Variants in PIEZO2 observed in about 807,000 individuals in gnomAD.
PIEZO2 encodes piezo-type mechanosensitive ion channel component 2.
PIEZO2 carries 172 observed loss-of-function variants against 337.3 expected under a neutral mutation model. The ratio of observed to expected loss-of-function variants is 0.51; its 90% CI spans 0.45 to 0.58. PIEZO2 has a LOEUF of 0.58. PIEZO2 is among the 20% of genes least tolerant of loss of function. The probability of loss-of-function intolerance (pLI) is 0.00; values close to 1 mark genes in which losing one functional copy is unlikely to be tolerated. For missense variants in PIEZO2, 3,028 were observed against 3,391.3 expected (o/e 0.89, Z 2.66); for synonymous variants, 1,251 against 1,228.5 (o/e 1.02, Z -0.38).
At position 10,855,636 on chromosome 18, in the gene PIEZO2, C is replaced by T. The variant is rs1258097350; in HGVS notation, c.704-70G>A. The T allele has an allele frequency of 8.3e-7, 1 of 1,209,834 alleles. No individual in the cohort carries two copies. The highest frequency in any genetic ancestry group is 1.1e-6 in the Non-Finnish European group (1 of 876,120). The allele number at this position is 1,209,834 out of a possible 1,614,324, so 74.9% of individuals were successfully genotyped here. On this transcript the variant is annotated intron_variant, in intron 6 of 55. Coordinates refer to ENST00000674853, the MANE Select transcript of PIEZO2 (RefSeq NM_001378183.1). This position sits in a 1 kb window ranked among gnomAD's most constrained non-coding sequence, Gnocchi z 4.9. ...TTCACTTATCATTCAGTGAATGTGA[C>T]TATTTGAAATTATGTGAATTTCCTT...
Position 11,096,841 on chromosome 18 carries a change from C to T in PIEZO2, c.65-30619G>A, listed in dbSNP as rs1053785775. Among the ~76,000 whole-genome samples, 6 of 152,174 alleles carry T rather than the reference C, an allele frequency of 3.9e-5. No homozygotes were observed. The highest frequency in any genetic ancestry group is 1.4e-4 in the African/African-American group (6 of 41,450). On this transcript the variant is annotated intron_variant, in intron 1 of 55. Coordinates refer to ENST00000674853, the MANE Select transcript of PIEZO2 (RefSeq NM_001378183.1). This position sits in a 1 kb window ranked among gnomAD's most constrained non-coding sequence, Gnocchi z 4.6. ...CTGCCCACTGCCAGCAAAATGGGAA[C>T]AACATGGACTTCAGGGGGGTGGTAC...
intron 2 of PIEZO2, among the ~76,000 whole-genome samples, chr18:11,063,816 A>C (rs1454507559): frequency 2.6e-5 from 4 of 152,172 alleles, no homozygotes; most frequent in Admixed American, 2.6e-4. Context: ...GTGTATTAAC[A>C]CACACTGGAA....
rs2040197680 is a variant in PIEZO2 at position 11,126,887 on chromosome 18, TGAATGAACACACTGGTG to T, written c.64+21621_64+21637del. On this transcript the variant is annotated intron_variant, in intron 1 of 55. Transcript: ENST00000674853. This position sits in a 1 kb window ranked among gnomAD's most constrained non-coding sequence, Gnocchi z 4.6. ...ACAGAGACTGAAATGAATGGAGGAA[TGAATGAACACACTGGTG>T]TCATTTCCATTGCTGTTGTGTGAAC... 6.6e-6 allele frequency among the ~76,000 whole-genome samples: 1 copy of T among 152,092 alleles called. No individual in the cohort carries two copies. The highest frequency in any genetic ancestry group is 1.9e-4 in the East Asian group (1 of 5,182).
intron 2 of PIEZO2, among the ~76,000 whole-genome samples, chr18:11,012,583 G>A (rs1223061033): frequency 2.6e-5 from 4 of 152,082 alleles, no homozygotes; most frequent in African/African-American, 9.7e-5. Flanking sequence ...TGCTGATTTC[G>A]ATTGATTTTT....
chr18:11,140,979 C>T (rs573874788), intron 1 of PIEZO2, among the ~76,000 whole-genome samples: 2 of 152,262 alleles, frequency 1.3e-5, no homozygotes, highest in African/African-American at 2.4e-5. Context: ...GCTGTCTTGA[C>T]CCATGCAGAT....
chr18:11,136,337 T>G (rs967211140), intron 1 of PIEZO2, among the ~76,000 whole-genome samples: 1 of 152,256 alleles, frequency 6.6e-6, no homozygotes, highest in Non-Finnish European at 1.5e-5. Flanking sequence ...TCCTAGGAGC[T>G]GGAGCCTTCT....
At chr18:10,718,549 T>C (rs1598395519) in intron 36 of PIEZO2, among the ~76,000 whole-genome samples, 1 of 152,342 alleles carries the variant, frequency 6.6e-6, no homozygotes, top group Middle Eastern at 3.4e-3. Flanking sequence ...ATGGCTTTTA[T>C]ATTTCTAATA....
rs2040381399 is a variant in PIEZO2, at chr18:11,132,955, G to A, written c.64+15570C>T. ...CAAATGACCCAAACCCTTCAGGAAT[G>A]AAGGTTTGGGTCACTCCACCAGGAA... On this transcript the variant is annotated intron_variant, in intron 1 of 55. Transcript: ENST00000674853. This position sits in a 1 kb window ranked among gnomAD's most constrained non-coding sequence, Gnocchi z 4.7. 6.6e-6 allele frequency among the ~76,000 whole-genome samples: 1 copy of A among 152,110 alleles called. No individual in the cohort carries two copies. The highest frequency in any genetic ancestry group is 1.5e-5 in the Non-Finnish European group (1 of 68,020).
chr18:11,112,037 T>G lies in PIEZO2; in HGVS notation c.64+36488A>C, dbSNP rs2039753291. Among the ~76,000 whole-genome samples, 1 of 152,170 alleles carries G rather than the reference T, an allele frequency of 6.6e-6. No individual in the cohort carries two copies. Among genetic ancestry groups the G allele is most frequent in the African/African-American group, 2.4e-5 (1 of 41,446 alleles). On this transcript the variant is annotated intron_variant, in intron 1 of 55. Coordinates refer to ENST00000674853, the MANE Select transcript of PIEZO2 (RefSeq NM_001378183.1). The surrounding 1 kb of genome is among the most constrained non-coding windows in gnomAD (Gnocchi z 4.3). ...AATGAAGTTTCATAGTCCTTTATAT[T>G]AATAAAGAACTTCACAGCTGAAAGG...
intron 5 of PIEZO2, among the ~76,000 whole-genome samples, chr18:10,864,158 T>G (rs2041947235): frequency 1.3e-5 from 2 of 152,232 alleles, no homozygotes; most frequent in Non-Finnish European, 2.9e-5. Context: ...ATCTTTGATA[T>G]GAAGGTGTCA....
In PIEZO2 at chr18:11,048,557, C is replaced by T. The variant is rs961808555; in HGVS notation, c.160+17570G>A. 8.5e-5 allele frequency among the ~76,000 whole-genome samples: 13 copies of T among 152,204 alleles called. No homozygotes were observed. The highest frequency in any genetic ancestry group is 3.1e-4 in the African/African-American group (13 of 41,458). On this transcript the variant is annotated intron_variant, in intron 2 of 55. Transcript: ENST00000674853. The surrounding 1 kb of genome is among the most constrained non-coding windows in gnomAD (Gnocchi z 4.5). Reference sequence around the variant, plus strand: ...CAACATGCATAATCTCTACATTTATCTTCCCTCACTATTAATTTTATAGTA... The same window carrying T: ...CAACATGCATAATCTCTACATTTATTTTCCCTCACTATTAATTTTATAGTA...
Position 11,143,623 on chromosome 18 carries a change from ACACACACACACACACACT to A in PIEZO2, c.64+4884_64+4901del, listed in dbSNP as rs879868415. 7.2e-3 allele frequency among the ~76,000 whole-genome samples: 1,025 copies of A among 142,930 alleles called. 4 individuals are homozygous for A. Among genetic ancestry groups the A allele is most frequent in the Non-Finnish European group, 9.3e-3 (623 of 66,854 alleles). 93.8% of individuals were successfully genotyped at this position (142,930 alleles called of 152,430 possible). A position where few individuals can be genotyped will look rare whatever the true frequency, so the allele number is the denominator to read the frequency against. ...CTAACACACACACACACACACACAC[ACACACACACACACACACT>A]CTCTCTCTCTCTCTCTCTCTCTCTC... On this transcript the variant is annotated intron_variant, in intron 1 of 55. Transcript: ENST00000674853. The surrounding 1 kb of genome is among the most constrained non-coding windows in gnomAD (Gnocchi z 4.9).
At position 10,758,343 on chromosome 18, in the gene PIEZO2, T is replaced by TC. The variant is rs140107052; in HGVS notation, c.3758-210dup. On this transcript the variant is annotated intron_variant, in intron 26 of 55. Transcript: ENST00000674853. ...CAGGGCATAGAGTGACCACAGACAC[T>TC]CCAGGAGCTTACGTGGGGAGTCTCT... 0.21 allele frequency among the ~76,000 whole-genome samples: 32,604 copies of TC among 152,058 alleles called. 3,745 individuals are homozygous for TC. Among genetic ancestry groups the TC allele is most frequent in the Non-Finnish European group, 0.26 (17,881 of 67,974 alleles).
At chr18:10,919,278 A>T (rs952691737) in intron 3 of PIEZO2, among the ~76,000 whole-genome samples, 9 of 152,124 alleles carry the variant, frequency 5.9e-5, no homozygotes, top group African/African-American at 2.2e-4. Flanking sequence ...CAGCCAATTC[A>T]TTTGCCCTTT....
intron 36 of PIEZO2, among the ~76,000 whole-genome samples, chr18:10,719,616 T>A (rs2036170702): frequency 6.6e-6 from 1 of 152,142 alleles, no homozygotes; most frequent in African/African-American, 2.4e-5. Flanking sequence ...GACACTTAGG[T>A]TGATTACATA....
intron 29 of PIEZO2, among the ~76,000 whole-genome samples, chr18:10,749,421 C>T (rs1277805744): frequency 6.6e-6 from 1 of 152,014 alleles, no homozygotes. Flanking sequence ...TATGATTGTG[C>T]CACTGTAGTT....
rs1344828147 is a variant in PIEZO2 at position 10,821,635 on chromosome 18, G to A, written c.918-14361C>T. Reference sequence around the variant, plus strand: ...CAGATACAACCTAGAAGTTTTCCAGGTTGCTGGAACCAGGAAATATGAGTC... The same window carrying A: ...CAGATACAACCTAGAAGTTTTCCAGATTGCTGGAACCAGGAAATATGAGTC... On this transcript the variant is annotated intron_variant, in intron 7 of 55. Transcript: ENST00000674853. The surrounding 1 kb of genome is among the most constrained non-coding windows in gnomAD (Gnocchi z 4.2). Among the ~76,000 whole-genome samples, 3 of 151,778 alleles carry A rather than the reference G, an allele frequency of 2.0e-5. No homozygotes were observed. Among genetic ancestry groups the A allele is most frequent in the Non-Finnish European group, 4.4e-5 (3 of 67,954 alleles).
chr18:11,061,101 A>T (rs1352177875), intron 2 of PIEZO2, among the ~76,000 whole-genome samples: 1 of 152,244 alleles, frequency 6.6e-6, no homozygotes, highest in African/African-American at 2.4e-5. Flanking sequence ...CTGGTTCAAC[A>T]TACGAAAATC....
chr18:10,990,912 G>T lies in PIEZO2; in HGVS notation c.161-11252C>A, dbSNP rs114080789. On this transcript the variant is annotated intron_variant, in intron 2 of 55. Transcript: ENST00000674853. Reference sequence around the variant, plus strand: ...TTTTAGATAAAGTTGACAATATTTTGTGAAAAATATTTGCAAGCCTGTTCA... The same window carrying T: ...TTTTAGATAAAGTTGACAATATTTTTTGAAAAATATTTGCAAGCCTGTTCA... Among the ~76,000 whole-genome samples the T allele has an allele frequency of 3.9e-3, 590 of 151,716 alleles. 6 individuals carry two copies. Among genetic ancestry groups the T allele is most frequent in the African/African-American group, 0.013 (542 of 41,368 alleles).
Sources: gnomAD v4.1 joint callset for allele counts (sites outside exome capture counted in the v4.1 genomes callset) on GRCh38, gnomAD v4.1.1 for gene constraint, Gnocchi (gnomAD v3.1) non-coding constraint, MANE v1.5 for transcripts, NCBI Gene and HGNC (gene_info 2026-07-23, HGNC 2026-07-21) for gene names.